SPATA6: variants seen among roughly 807,000 people sequenced by gnomAD.
The protein encoded by SPATA6 is spermatogenesis associated 6, also known as spermatogenesis-associated protein 6.
Under a neutral mutation model 65.3 loss-of-function variants are expected in SPATA6, and 56 were observed. The observed-to-expected ratio is 0.86, with a 90% CI of 0.69 to 1.07. The LOEUF (loss-of-function observed/expected upper bound fraction) is 1.07, where lower values mean the gene tolerates loss of function less well. SPATA6 is among the 50% of genes least tolerant of loss of function. The pLI is 0.00. For synonymous variants in SPATA6, 199 were observed against 213.2 expected, an observed-to-expected ratio of 0.93 and a Z score of 0.58; for missense variants, 590 against 594.8, an observed-to-expected ratio of 0.99 and a Z score of 0.08.
chr1:48,380,148 T>C (rs1161585038), intron 9 of SPATA6, among the ~76,000 whole-genome samples: 1 of 152,260 alleles, frequency 6.6e-6, no homozygotes, highest in African/African-American at 2.4e-5. Flanking sequence ...AAAGAACTCA[T>C]GCAAGGTCCT....
At position 48,373,869 on chromosome 1, in the gene SPATA6, T is replaced by G. The variant is rs143177258; in HGVS notation, c.909+11440A>C. On this transcript the variant is annotated intron_variant, in intron 9 of 12. Transcript: ENST00000371847. The stretch of plus-strand genomic sequence containing the variant: ...TCCCCATGATTCAATTACTTCCCCC[T>G]GGGTCCTTCCCACAACATAGGGGAA... Among the ~76,000 whole-genome samples, 5 of 152,326 alleles carry G rather than the reference T, an allele frequency of 3.3e-5. No individual in the cohort carries two copies. The East Asian group carries it at 9.6e-4, about 29-fold the overall frequency.
chr1:48,402,203 A>G (rs939762482), intron 6 of SPATA6, among the ~76,000 whole-genome samples: 2 of 152,156 alleles, frequency 1.3e-5, no homozygotes, highest in African/African-American at 4.8e-5. Flanking sequence ...TACAGAGGGA[A>G]ATGTTAGTTC....
At chr1:48,331,660 C>T (rs1114192) in intron 11 of SPATA6, among the ~76,000 whole-genome samples, 16,558 of 152,216 alleles carry the variant, frequency 0.11, 1,168 homozygotes, top group Non-Finnish European at 0.16. Flanking sequence ...TTCACAGTAT[C>T]GTCCATGAGA....
At chr1:48,265,071 C>T in the SPATA6 span, among the ~76,000 whole-genome samples, 1 of 152,152 alleles carries the variant, frequency 6.6e-6, no homozygotes, top group Non-Finnish European at 1.5e-5. Context: ...AGATGAAAGG[C>T]TGAATCCTTC....
rs529907577 is a variant in SPATA6 at position 48,380,315 on chromosome 1, A to G, written c.909+4994T>C. Among the ~76,000 whole-genome samples, 4 of 152,354 alleles carry G rather than the reference A, an allele frequency of 2.6e-5. No homozygotes were observed. The East Asian group carries it at 7.7e-4, about 29-fold the overall frequency. On this transcript the variant is annotated intron_variant, in intron 9 of 12. Coordinates refer to ENST00000371847, the MANE Select transcript of SPATA6 (RefSeq NM_019073.4). ...TATTTTCATGTTCAATGCTGCAGAT[A>G]TATTTATATGACAATCTACCTCTTG...
chr1:48,352,668 A>G (rs571884046), intron 11 of SPATA6, among the ~76,000 whole-genome samples: 1 of 152,036 alleles, frequency 6.6e-6, no homozygotes. Flanking sequence ...CAATGTTTAA[A>G]GAAAGAATGG....
chr1:48,307,535 A>G (rs1362910872), intron 11 of SPATA6, among the ~76,000 whole-genome samples: 1 of 151,136 alleles, frequency 6.6e-6, no homozygotes, highest in African/African-American at 2.4e-5. Flanking sequence ...ACATCTTATT[A>G]TAAGCTATTA....
At chr1:48,461,874 G>A (rs1399875875) in intron 1 of SPATA6, among the ~76,000 whole-genome samples, 1 of 152,168 alleles carries the variant, frequency 6.6e-6, no homozygotes, top group Non-Finnish European at 1.5e-5. Flanking sequence ...AAACCATGCT[G>A]CTGTAAAGAC....
chr1:48,442,011 G>A (rs1328590820), intron 3 of SPATA6, among the ~76,000 whole-genome samples: 2 of 152,160 alleles, frequency 1.3e-5, no homozygotes, highest in South Asian at 2.1e-4. Flanking sequence ...GGAACCAATC[G>A]AGCATGACTG....
the SPATA6 span, among the ~76,000 whole-genome samples, chr1:48,266,430 T>A: frequency 6.6e-6 from 1 of 152,314 alleles, no homozygotes; most frequent in Non-Finnish European, 1.5e-5. Context: ...GTTTTCTTGT[T>A]TGTAAAAAAT....
At chr1:48,325,534 T>C (rs1645732028) in intron 11 of SPATA6, 1 of 1,185,914 alleles carries the variant, frequency 8.4e-7, no homozygotes, top group Non-Finnish European at 1.3e-6. Flanking sequence ...ACCCGGGAGT[T>C]CTTCCTCTTC....
chr1:48,324,823 T>C (rs1021043796), intron 11 of SPATA6, among the ~76,000 whole-genome samples: 3 of 152,112 alleles, frequency 2.0e-5, no homozygotes, highest in African/African-American at 7.2e-5. Context: ...TTATTCAATA[T>C]AGCACTGGAA....
chr1:48,327,076 G>A (rs971900551), intron 11 of SPATA6, among the ~76,000 whole-genome samples: 3 of 152,066 alleles, frequency 2.0e-5, no homozygotes, highest in Non-Finnish European at 4.4e-5. Flanking sequence ...TACATAGTAG[G>A]AGAAAATATT....
At chr1:48,437,360 AC>A (rs1342221227) in intron 3 of SPATA6, 1 of 1,483,652 alleles carries the variant, frequency 6.7e-7, no homozygotes, top group East Asian at 2.4e-5. Context: ...ATTTAAAACC[AC>A]TCTGTTCAAA....
chr1:48,451,597 A>T lies in SPATA6; in HGVS notation c.193T>A (p.Phe65Ile). Residue 65 changes from phenylalanine (F) to isoleucine (I), a missense_variant, in exon 3 of 13, where the codon TTC becomes ATC. Phe to Ile is a conservative substitution (Grantham distance 21). Coordinates refer to ENST00000371847, the MANE Select transcript of SPATA6 (RefSeq NM_019073.4). Reference protein sequence around the residue: ...FNARMVFEKVFPDAVDPGDVV... With the variant: ...FNARMVFEKVIPDAVDPGDVV... ...TCTCCAGGATCTACTGCGTCCGGGA[A>T]CACCTATAGTGAGACGATACAGGGA... 1 of 1,612,286 alleles carries T rather than the reference A, an allele frequency of 6.2e-7. No individual in the cohort carries two copies.
intron 3 of SPATA6, among the ~76,000 whole-genome samples, chr1:48,432,418 A>C (rs968997102): frequency 1.3e-5 from 2 of 152,192 alleles, no homozygotes; most frequent in African/African-American, 4.8e-5. Context: ...TACAATCTAG[A>C]ATACACAGAA....
intron 12 of SPATA6, among the ~76,000 whole-genome samples, chr1:48,304,325 CTCT>C (rs1469212641): frequency 2.0e-5 from 3 of 152,146 alleles, no homozygotes; most frequent in African/African-American, 7.2e-5. Flanking sequence ...CTCTGCTTAA[CTCT>C]CATTTGAGAG....
intron 11 of SPATA6, among the ~76,000 whole-genome samples, chr1:48,355,058 A>T (rs2148805113): frequency 6.6e-6 from 1 of 152,212 alleles, no homozygotes; most frequent in South Asian, 2.1e-4. Context: ...ATGATAAATG[A>T]TTGTTTTTTA....
chr1:48,437,363 C>G, intron 3 of SPATA6: 1 of 1,485,574 alleles, frequency 6.7e-7, no homozygotes. Context: ...TAAAACCACT[C>G]TGTTCAAAGG....
Sources: allele counts gnomAD v4.1 joint callset (sites outside exome capture counted in the v4.1 genomes callset), GRCh38; gene constraint gnomAD v4.1.1; transcripts MANE v1.5; gene names NCBI Gene and HGNC (gene_info 2026-07-23, HGNC 2026-07-21).